ZNF581: variants seen among roughly 807,000 people sequenced by gnomAD.
The protein encoded by ZNF581 is zinc finger protein 581.
Under a neutral mutation model 1.2 loss-of-function variants are expected in ZNF581, and 1 was observed. The observed-to-expected ratio is 0.83, with a 90% CI of 0.30 to 3.95. The LOEUF is 3.95. Ranked by LOEUF, ZNF581 falls within the 30% of genes most tolerant of loss-of-function variation. The pLI, the probability that ZNF581 is intolerant of heterozygous loss-of-function variation, is 0.18. For missense variants in ZNF581, 273 were observed against 274.6 expected (o/e 0.99, Z 0.04); for synonymous variants, 105 against 109.2 (o/e 0.96, Z 0.24).
chr19:55,638,395 C>T (rs572512662), upstream of ZNF581, among the ~76,000 whole-genome samples: 679 of 152,222 alleles, frequency 4.5e-3, 2 homozygotes, highest in African/African-American at 0.016. Flanking sequence ...CCTGCCACCA[C>T]GCCCAGCTAA....
Position 55,645,249 on chromosome 19 carries a change from C to A in ZNF581, c.*84C>A. On this transcript the variant is annotated 3_prime_UTR_variant, in exon 2 of 2. Coordinates refer to ENST00000270451, the MANE Select transcript of ZNF581 (RefSeq NM_016535.4). ...CCAGACACCTGGTGAGAGCCTGAGG[C>A]TGGTGTTCAGGGCCCTGGACACAGA... 1 of 1,288,864 alleles carries A rather than the reference C, an allele frequency of 7.8e-7. No individual in the cohort carries two copies. The highest frequency in any genetic ancestry group is 1.1e-6 in the Non-Finnish European group (1 of 948,742). The allele number at this position is 1,288,864 out of a possible 1,614,324, so 79.8% of individuals were successfully genotyped here.
upstream of ZNF581, among the ~76,000 whole-genome samples, chr19:55,639,595 A>C (rs762548269): frequency 2.0e-5 from 3 of 152,208 alleles, no homozygotes; most frequent in African/African-American, 7.2e-5. Flanking sequence ...GGTAGGAGCC[A>C]TATGTGGCTT....
At chr19:55,635,647 C>T in exon 1 of ZNF581, 1 of 987,816 alleles carries the variant, frequency 1.0e-6, no homozygotes. Flanking sequence ...TAATCAGTCA[C>T]AGTGGCCCAA....
chr19:55,638,753 C>T (rs1296277132), upstream of ZNF581, among the ~76,000 whole-genome samples: 1 of 151,992 alleles, frequency 6.6e-6, no homozygotes, highest in Non-Finnish European at 1.5e-5. Flanking sequence ...CTTTGGGAGG[C>T]TGAGGCAGGT....
upstream of ZNF581, chr19:55,640,498 C>T: frequency 8.1e-6 from 8 of 985,490 alleles, no homozygotes; most frequent in Admixed American, 6.1e-5. Context: ...CCTCTGTGGG[C>T]CTCGGTTCCC....
chr19:55,643,570 G>C (rs970845487), upstream of ZNF581: 2 of 152,822 alleles, frequency 1.3e-5, no homozygotes, highest in Non-Finnish European at 2.9e-5. Flanking sequence ...TGTGTTTCTG[G>C]CCGGAGCCGT....
upstream of ZNF581, chr19:55,641,108 G>T (rs1982435059): frequency 1.0e-6 from 1 of 985,250 alleles, no homozygotes; most frequent in Non-Finnish European, 1.2e-6. Flanking sequence ...TTCCGCCGCC[G>T]GCGCTCGCCA....
chr19:55,636,871 A>G (rs1339293901), upstream of ZNF581, among the ~76,000 whole-genome samples: 1 of 152,124 alleles, frequency 6.6e-6, no homozygotes, highest in Non-Finnish European at 1.5e-5. Flanking sequence ...AGCTAGCACA[A>G]AAGCTCTCCA....
At chr19:55,642,365 T>G, upstream of ZNF581, 1 of 1,280,776 alleles carries the variant, frequency 7.8e-7, no homozygotes, top group Non-Finnish European at 9.9e-7. Context: ...TCACAGTTTT[T>G]ATTTTGCTAG....
upstream of ZNF581, chr19:55,642,617 T>G: frequency 9.0e-6 from 13 of 1,443,044 alleles, no homozygotes; most frequent in Non-Finnish European, 1.1e-5. Flanking sequence ...AGGCCCCTCC[T>G]CCACTCCTTC....
At chr19:55,640,386 C>T, upstream of ZNF581, 3 of 985,504 alleles carry the variant, frequency 3.0e-6, no homozygotes, top group Non-Finnish European at 2.4e-6. Flanking sequence ...CAGCCTTTCC[C>T]ACCTCCGCAT....
chr19:55,638,915 G>A (rs189608803), upstream of ZNF581, among the ~76,000 whole-genome samples: 37 of 141,262 alleles, frequency 2.6e-4, 2 homozygotes, highest in East Asian at 7.9e-3. Flanking sequence ...GGAAACAGGA[G>A]AATCACCTGA....
upstream of ZNF581, chr19:55,641,272 ATGGGGG>A: frequency 1.2e-6 from 1 of 803,484 alleles, no homozygotes; most frequent in Non-Finnish European, 1.5e-6. Flanking sequence ...GCCACCCGGG[ATGGGGG>A]TGGGGGTCGG....
rs1313867003 is a variant in ZNF581 at position 55,644,080 on chromosome 19, G to T, written c.-20+306G>T. Reference sequence around the variant, plus strand: ...GTTCAGACACGTGGCTGGAGAGAGGGCCGGAACCTGGGGGTCCTAACGTCG... The same window carrying T: ...GTTCAGACACGTGGCTGGAGAGAGGTCCGGAACCTGGGGGTCCTAACGTCG... On this transcript the variant is annotated intron_variant, in intron 1 of 1. Transcript: ENST00000270451. The surrounding 1 kb of genome is among the most constrained non-coding windows in gnomAD (Gnocchi z 4.3). 1.3e-5 allele frequency among the ~76,000 whole-genome samples: 2 copies of T among 152,216 alleles called. No homozygotes were observed. Among genetic ancestry groups the T allele is most frequent in the Admixed American group, 1.3e-4 (2 of 15,282 alleles).
At chr19:55,642,723 AGCCCCGGGGCCCGCCCCAGCGCGAGGC>A, upstream of ZNF581, 1 of 1,508,300 alleles carries the variant, frequency 6.6e-7, no homozygotes, top group East Asian at 2.6e-5. Flanking sequence ...CTGGAGGAGG[AGCCCCGGGGCCCGCCCCAGCGCGAGGC>A]GCCCCCAGGA....
At chr19:55,642,589 C>T (rs781537900), upstream of ZNF581, 41 of 1,451,728 alleles carry the variant, frequency 2.8e-5, 1 homozygote, top group Non-Finnish European at 3.5e-5. Context: ...CCAAGGCTCC[C>T]CCTTTCCCCA....
upstream of ZNF581, chr19:55,643,517 G>GT (rs1568538052): frequency 6.2e-6 from 1 of 160,350 alleles, no homozygotes; most frequent in Non-Finnish European, 1.4e-5. Flanking sequence ...GTGCTGGGGG[G>GT]TGGAGACCGG....
Position 55,644,643 on chromosome 19 carries a change from C to T in ZNF581, c.72C>T (p.Pro24=), listed in dbSNP as rs750076712. Residue 24 remains proline, a synonymous_variant, in exon 2 of 2, where the codon CCC becomes CCT. Coordinates refer to ENST00000270451, the MANE Select transcript of ZNF581 (RefSeq NM_016535.4). This position sits in a 1 kb window ranked among gnomAD's most constrained non-coding sequence, Gnocchi z 4.3. ...FSSVETMEGP[P]RRTCRSPEPG... ...CCGTTGAGACCATGGAGGGCCCTCC[C>T]CGTCGGACTTGCCGCTCCCCAGAAC... 1.9e-6 allele frequency: 3 copies of T among 1,610,928 alleles called. No individual in the cohort carries two copies. The highest frequency in any genetic ancestry group is 2.2e-5 in the East Asian group (1 of 44,672).
upstream of ZNF581, among the ~76,000 whole-genome samples, chr19:55,639,863 C>G (rs543481854): frequency 6.6e-6 from 1 of 152,260 alleles, no homozygotes; most frequent in African/African-American, 2.4e-5. Flanking sequence ...GTGATCCGCC[C>G]GCCTTGGCCT....
Sources: allele counts gnomAD v4.1 joint callset (sites outside exome capture counted in the v4.1 genomes callset), GRCh38; gene constraint gnomAD v4.1.1; non-coding constraint Gnocchi (gnomAD v3.1); transcripts MANE v1.5; gene names NCBI Gene and HGNC (gene_info 2026-07-23, HGNC 2026-07-21).